Variants in SPAG17 observed in about 807,000 individuals in gnomAD.
SPAG17 encodes the protein sperm-associated antigen 17.
Under a neutral mutation model 273.6 loss-of-function variants are expected in SPAG17, and 169 were observed. The observed-to-expected ratio is 0.62, with a 90% CI of 0.55 to 0.70. SPAG17 has a LOEUF of 0.70. Among genes scored for constraint, SPAG17 ranks in the 30% least tolerant of loss-of-function variants. The pLI is 0.00. For missense variants in SPAG17, 2,557 were observed against 2,627.8 expected (o/e 0.97, Z 0.59); for synonymous variants, 825 against 873.2 (o/e 0.94, Z 0.97).
Position 118,081,086 on chromosome 1 carries a change from C to T in SPAG17, c.2209+15G>A. The T allele has an allele frequency of 1.4e-6, 2 of 1,403,924 alleles. No individual in the cohort carries two copies. The highest frequency in any genetic ancestry group is 2.0e-6 in the Non-Finnish European group (2 of 996,802). The allele number at this position is 1,403,924 out of a possible 1,614,324, so 87.0% of individuals were successfully genotyped here. A position where few individuals can be genotyped will look rare whatever the true frequency, so the allele number is the denominator to read the frequency against. On this transcript the variant is annotated intron_variant, in intron 15 of 48. Coordinates refer to ENST00000336338, the MANE Select transcript of SPAG17 (RefSeq NM_206996.4). ...ACACACACACACACACACACACACA[C>T]ACACTTTAACTTACCCAGAGACTCA...
chr1:118,037,814 T>C (rs1649263312), intron 23 of SPAG17, among the ~76,000 whole-genome samples: 1 of 152,188 alleles, frequency 6.6e-6, no homozygotes, highest in African/African-American at 2.4e-5. Flanking sequence ...TGAAGGTATA[T>C]GTAAAGAATT....
intron 32 of SPAG17, among the ~76,000 whole-genome samples, chr1:117,998,247 G>A (rs1009251699): frequency 1.3e-5 from 2 of 152,104 alleles, no homozygotes; most frequent in Non-Finnish European, 2.9e-5. Flanking sequence ...TGTAAGGAAG[G>A]GGTCTAGTTT....
intron 30 of SPAG17, among the ~76,000 whole-genome samples, chr1:118,011,378 A>C (rs1164119756): frequency 1.3e-5 from 2 of 152,202 alleles, no homozygotes; most frequent in Non-Finnish European, 2.9e-5. Context: ...ACACCACGGA[A>C]TACTATGCAG....
chr1:118,044,761 G>C (rs1197052709), intron 20 of SPAG17, among the ~76,000 whole-genome samples: 4 of 152,070 alleles, frequency 2.6e-5, no homozygotes, highest in Non-Finnish European at 4.4e-5. Context: ...TTGTTTAAAA[G>C]TGTGCAGCAC....
chr1:117,956,487 G>T (rs1326941653), intron 48 of SPAG17, among the ~76,000 whole-genome samples: 1 of 152,126 alleles, frequency 6.6e-6, no homozygotes, highest in Non-Finnish European at 1.5e-5. Flanking sequence ...ATTGATTAAT[G>T]TGGAGGTTAC....
intron 32 of SPAG17, among the ~76,000 whole-genome samples, chr1:117,998,700 T>G (rs992311751): frequency 2.0e-5 from 3 of 152,190 alleles, no homozygotes; most frequent in Non-Finnish European, 2.9e-5. Flanking sequence ...TGGAATGTTT[T>G]CCCATTTGGT....
At chr1:118,083,036 G>C (rs948703853) in intron 13 of SPAG17, among the ~76,000 whole-genome samples, 2 of 152,046 alleles carry the variant, frequency 1.3e-5, no homozygotes, top group Non-Finnish European at 2.9e-5. Flanking sequence ...TTTTGAGACA[G>C]GTTCACCCAG....
intron 40 of SPAG17, among the ~76,000 whole-genome samples, chr1:117,985,688 G>A (rs1656323812): frequency 6.6e-6 from 1 of 152,066 alleles, no homozygotes; most frequent in Non-Finnish European, 1.5e-5. Context: ...AATCCTCCCT[G>A]AAATACTTTT....
chr1:118,032,193 T>C (rs1484673824), intron 24 of SPAG17, among the ~76,000 whole-genome samples: 1 of 152,154 alleles, frequency 6.6e-6, no homozygotes, highest in Non-Finnish European at 1.5e-5. Context: ...TTTGAGAGGC[T>C]CTTCTTATGT....
At chr1:117,969,936 G>C in intron 46 of SPAG17, 120 bp downstream of exon 46, 1 of 849,050 alleles carries the variant, frequency 1.2e-6, no homozygotes. Context: ...AAAAACAGTA[G>C]ACTTATACAT....
chr1:118,042,130 T>C (rs994956273), intron 20 of SPAG17, 88 bp from the exon 21 acceptor site: 23 of 1,469,576 alleles, frequency 1.6e-5, no homozygotes, highest in South Asian at 4.0e-5. Flanking sequence ...ATATTTAACA[T>C]GATTTTTGTT....
chr1:117,997,643 C>T (rs1340914358), intron 32 of SPAG17, among the ~76,000 whole-genome samples: 3 of 150,972 alleles, frequency 2.0e-5, no homozygotes, highest in Non-Finnish European at 2.9e-5. Context: ...GTCACAGGCA[C>T]GATAGTAAAT....
Position 118,041,868 on chromosome 1 carries a change from G to A in SPAG17, c.2989C>T (p.Gln997Ter). 6.2e-7 allele frequency: 1 copy of A among 1,613,848 alleles called. No homozygotes were observed. Among genetic ancestry groups the A allele is most frequent in the Non-Finnish European group, 8.5e-7 (1 of 1,179,824 alleles). ...TCTGTTACTTCTTGGATCTTGACTT[G>A]TTCTTCTTTAGATTTCTCCTTGTAA... ...SPYKEKSKEE[Q>*]VKIQEVTEES... is the part of the protein sequence containing the mutation. Residue 997 changes from glutamine to a stop codon, truncating the protein, a stop_gained, in exon 21 of 49, where the codon CAA (glutamine) becomes TAA (stop). Coordinates refer to ENST00000336338, the MANE Select transcript of SPAG17 (RefSeq NM_206996.4). LOFTEE classifies it high-confidence loss of function.
At chr1:118,020,193 C>A (rs999640862) in intron 28 of SPAG17, among the ~76,000 whole-genome samples, 2 of 152,110 alleles carry the variant, frequency 1.3e-5, no homozygotes, top group South Asian at 2.1e-4. Context: ...CCAAGGCAAG[C>A]GGATCACTTT....
At chr1:118,115,260 T>C (rs1657005852) in intron 4 of SPAG17, 50 bp downstream of exon 4, 36 of 1,599,392 alleles carry the variant, frequency 2.3e-5, no homozygotes, top group Non-Finnish European at 3.1e-5. Flanking sequence ...CCTGGCTCCA[T>C]TTCATTCACC....
chr1:118,091,506 G>C lies in SPAG17; in HGVS notation c.1359+100C>G, dbSNP rs559512467. The C allele has an allele frequency of 7.6e-6, 5 of 661,616 alleles. No individual in the cohort carries two copies. The East Asian group carries it at 1.4e-4, about 18-fold the overall frequency. 41.0% of individuals were successfully genotyped at this position (661,616 alleles called of 1,614,324 possible). ...ATCTTTATAAAGGAGAATGCACTTAGGTATTATGAGTATAATTTTAAAATA... is the reference window on the plus strand; with the variant it reads ...ATCTTTATAAAGGAGAATGCACTTACGTATTATGAGTATAATTTTAAAATA... On this transcript the variant is annotated intron_variant, in intron 10 of 48. Coordinates refer to ENST00000336338, the MANE Select transcript of SPAG17 (RefSeq NM_206996.4).
At chr1:118,065,024 A>G (rs1357446448) in intron 18 of SPAG17, among the ~76,000 whole-genome samples, 1 of 152,108 alleles carries the variant, frequency 6.6e-6, no homozygotes, top group Admixed American at 6.5e-5. Flanking sequence ...AAAGAGTTAG[A>G]AAGCAAGAAC....
At chr1:118,144,078 G>C (rs1288469845) in intron 3 of SPAG17, among the ~76,000 whole-genome samples, 1 of 152,214 alleles carries the variant, frequency 6.6e-6, no homozygotes, top group East Asian at 1.9e-4. Context: ...CTGACCCCCA[G>C]GGTGGAAGAG....
intron 20 of SPAG17, 83 bp downstream of exon 20, chr1:118,053,919 C>A: frequency 1.0e-6 from 1 of 966,420 alleles, no homozygotes; most frequent in Non-Finnish European, 1.6e-6. Flanking sequence ...CTATCCACTC[C>A]CACTGCCCCA....
Sources: gnomAD v4.1 joint callset for allele counts (sites outside exome capture counted in the v4.1 genomes callset) on GRCh38, gnomAD v4.1.1 for gene constraint, MANE v1.5 for transcripts, NCBI Gene and HGNC (gene_info 2026-07-23, HGNC 2026-07-21) for gene names.